RMDN2: variants seen among roughly 807,000 people sequenced by gnomAD.
The protein encoded by RMDN2 is regulator of microtubule dynamics 2, also known as regulator of microtubule dynamics protein 2.
RMDN2 carries 61 observed loss-of-function variants against 52.8 expected under a neutral mutation model. That is an observed-to-expected ratio of 1.16 (90% CI 0.94 to 1.43). RMDN2 has a LOEUF of 1.43. Ranked by LOEUF, RMDN2 falls within the 40% of genes most tolerant of loss-of-function variation. The pLI, the probability that RMDN2 is intolerant of heterozygous loss-of-function variation, is 0.00. For synonymous variants in RMDN2, 180 were observed against 153.1 expected (o/e 1.18, Z -1.30); for missense variants, 592 against 475.3 (o/e 1.25, Z -2.28).
intron 10 of RMDN2, among the ~76,000 whole-genome samples, chr2:38,006,908 G>A (rs991801532): frequency 3.9e-5 from 6 of 152,234 alleles, no homozygotes; most frequent in Middle Eastern, 3.4e-3. Context: ...AGGGTTTTTA[G>A]CATGAAGTGT....
At chr2:37,960,301 C>T (rs556434373) in intron 2 of RMDN2, among the ~76,000 whole-genome samples, 3 of 151,128 alleles carry the variant, frequency 2.0e-5, no homozygotes, top group Non-Finnish European at 4.4e-5. Context: ...GTCTCTAAGA[C>T]CTTGCTTTAT....
chr2:38,032,433 C>T (rs1440094775), intron 10 of RMDN2, among the ~76,000 whole-genome samples: 1 of 152,186 alleles, frequency 6.6e-6, no homozygotes, highest in African/African-American at 2.4e-5. Context: ...TAGTTCATTC[C>T]ATTTTGTTGC....
At chr2:38,059,536 TTATGTTA>T (rs1681960556) in intron 10 of RMDN2, among the ~76,000 whole-genome samples, 1 of 152,158 alleles carries the variant, frequency 6.6e-6, no homozygotes, top group African/African-American at 2.4e-5. Flanking sequence ...AAAGGTTATT[TTATGTTA>T]TATTAACAGG....
At chr2:37,975,524 A>G (rs901087965) in intron 4 of RMDN2, among the ~76,000 whole-genome samples, 1 of 152,098 alleles carries the variant, frequency 6.6e-6, no homozygotes, top group Admixed American at 6.6e-5. Flanking sequence ...ACATGGACAC[A>G]GGGAGGGGAA....
intron 10 of RMDN2, among the ~76,000 whole-genome samples, chr2:38,023,697 G>A (rs1335339394): frequency 6.6e-6 from 1 of 152,158 alleles, no homozygotes; most frequent in Non-Finnish European, 1.5e-5. Flanking sequence ...GTTCATACTT[G>A]AAGTACTGTG....
intron 10 of RMDN2, among the ~76,000 whole-genome samples, chr2:38,059,530 G>A (rs1343272898): frequency 1.3e-5 from 2 of 152,138 alleles, no homozygotes; most frequent in African/African-American, 2.4e-5. Context: ...AAATGTAAAG[G>A]TTATTTTATG....
chr2:38,064,672 C>T (rs899652430), intron 10 of RMDN2, among the ~76,000 whole-genome samples: 3 of 151,958 alleles, frequency 2.0e-5, no homozygotes, highest in African/African-American at 4.8e-5. Flanking sequence ...GGGACTTAGT[C>T]CCTGCTTTTC....
At chr2:38,025,387 A>G (rs1029700714) in intron 10 of RMDN2, among the ~76,000 whole-genome samples, 6 of 152,066 alleles carry the variant, frequency 3.9e-5, no homozygotes, top group African/African-American at 1.4e-4. Context: ...TGTAGATTCC[A>G]TTAGATTTTC....
In RMDN2 at chr2:38,040,500, G is replaced by A. The variant is rs551990778; in HGVS notation, c.1714-26482G>A. On this transcript the variant is annotated intron_variant, in intron 10 of 10. Transcript: ENST00000234195. ...AAGAAGGTGCCATTTATGAAGCAGA[G>A]CAAGTCCTCACCAGACACCACATCT... Among the ~76,000 whole-genome samples, 14 of 152,288 alleles carry A rather than the reference G, an allele frequency of 9.2e-5. 1 individual carries two copies. The South Asian group carries it at 2.5e-3, about 27-fold the overall frequency.
At chr2:37,965,918 C>A (rs552454551) in intron 2 of RMDN2, among the ~76,000 whole-genome samples, 2 of 152,310 alleles carry the variant, frequency 1.3e-5, no homozygotes, top group African/African-American at 4.8e-5. Flanking sequence ...TTTCTTTCAG[C>A]ACTTTAAATA....
downstream of RMDN2, among the ~76,000 whole-genome samples, chr2:38,018,869 T>TG (rs1679116292): frequency 6.6e-6 from 1 of 152,202 alleles, no homozygotes; most frequent in Admixed American, 6.5e-5. Flanking sequence ...CCCAAATACA[T>TG]GGGTGCACAT....
At chr2:37,981,444 C>G (rs1317465195) in intron 5 of RMDN2, 101 bp downstream of exon 5, 1 of 739,886 alleles carries the variant, frequency 1.4e-6, no homozygotes, top group Non-Finnish European at 2.4e-6. Flanking sequence ...TTTAATCTGT[C>G]AGTCACATTC....
chr2:38,023,286 G>A (rs569146818), intron 10 of RMDN2, among the ~76,000 whole-genome samples: 1 of 152,020 alleles, frequency 6.6e-6, no homozygotes, highest in African/African-American at 2.4e-5. Flanking sequence ...ATTGAGATGT[G>A]GGAAGTGAAA....
intron 10 of RMDN2, among the ~76,000 whole-genome samples, chr2:38,016,442 T>C (rs1558557636): frequency 1.3e-5 from 2 of 152,244 alleles, no homozygotes; most frequent in Non-Finnish European, 2.9e-5. Flanking sequence ...GAACTCTTTG[T>C]CTGTAGTCAG....
intron 3 of RMDN2, 135 bp from the exon 4 acceptor site, chr2:37,975,077 G>A (rs1366490158): frequency 4.6e-6 from 3 of 655,058 alleles, no homozygotes; most frequent in Non-Finnish European, 8.2e-6. Flanking sequence ...CACGAAATAT[G>A]CATATACATA....
intron 2 of RMDN2, among the ~76,000 whole-genome samples, chr2:37,945,008 G>A (rs891855510): frequency 6.6e-6 from 1 of 152,166 alleles, no homozygotes; most frequent in Non-Finnish European, 1.5e-5. Context: ...TACACCTTAG[G>A]TATTGGGATA....
rs576464330 is a variant in RMDN2, at chr2:37,986,811, C to T, written c.792-2730C>T. 5.3e-5 allele frequency among the ~76,000 whole-genome samples: 8 copies of T among 151,956 alleles called. No individual in the cohort carries two copies. The South Asian group carries it at 1.7e-3, about 32-fold the overall frequency. On this transcript the variant is annotated intron_variant, in intron 5 of 10. Coordinates refer to ENST00000354545, the MANE Select transcript of RMDN2 (RefSeq NM_001170791.3). ...TTTATCAAGTTGAGGAAAATTTTAT[C>T]AATTTTCCTCAACTTGATAAAGAAC...
intron 5 of RMDN2, among the ~76,000 whole-genome samples, chr2:37,981,986 T>C (rs1213821395): frequency 6.6e-6 from 1 of 152,172 alleles, no homozygotes; most frequent in African/African-American, 2.4e-5. Flanking sequence ...ATTTGTTTTC[T>C]TTTTCTCTTG....
At chr2:37,956,287 T>C (rs890938583) in intron 2 of RMDN2, among the ~76,000 whole-genome samples, 1 of 152,180 alleles carries the variant, frequency 6.6e-6, no homozygotes, top group Non-Finnish European at 1.5e-5. Flanking sequence ...GTAGTTTGTG[T>C]GTTTCCAGGA....
Sources: allele counts gnomAD v4.1 joint callset (sites outside exome capture counted in the v4.1 genomes callset), GRCh38; gene constraint gnomAD v4.1.1; transcripts MANE v1.5; gene names NCBI Gene and HGNC (gene_info 2026-07-23, HGNC 2026-07-21).